ZNF778: variants seen among roughly 807,000 people sequenced by gnomAD.
ZNF778 encodes zinc finger protein 778.
Under a neutral mutation model 23.9 loss-of-function variants are expected in ZNF778, and 37 were observed. That is an observed-to-expected ratio of 1.54 (90% confidence interval 1.19 to 2.03). The LOEUF is 2.03. Ranked by LOEUF, ZNF778 falls within the 30% of genes most tolerant of loss-of-function variation. The pLI is 0.00. For missense variants in ZNF778, 1,297 were observed against 934.4 expected, an observed-to-expected ratio of 1.39 and a Z score of -5.06; for synonymous variants, 483 against 343.9, an observed-to-expected ratio of 1.40 and a Z score of -4.48.
rs564221737 is a variant in ZNF778 at position 89,232,974 on chromosome 16, T to A, written c.*4412T>A. ...ACTCAGCTCGCTCTGCGTATGCAAC[T>A]GAGCTCGCTCTGCGTATGCAACCCA... On this transcript the variant is annotated 3_prime_UTR_variant, in exon 7 of 7. Coordinates refer to ENST00000433976, the MANE Select transcript of ZNF778 (RefSeq NM_001201407.2). 3 of 1,257,964 alleles carry A rather than the reference T, an allele frequency of 2.4e-6. No individual in the cohort carries two copies. Among genetic ancestry groups the A allele is most frequent in the South Asian group, 1.3e-5 (1 of 74,880 alleles). The allele number at this position is 1,257,964 out of a possible 1,614,324, so 77.9% of individuals were successfully genotyped here.
Position 89,228,495 on chromosome 16 carries a change from A to T in ZNF778, c.2207A>T (p.Lys736Ile). The T allele has an allele frequency of 6.2e-7, 1 of 1,609,182 alleles. No individual in the cohort carries two copies. The highest frequency in any genetic ancestry group is 8.5e-7 in the Non-Finnish European group (1 of 1,178,604). ...GTTTTTGTATGTAAGGACTGTGGAA[A>T]ATCTTTTAAGAATTCCTCATGCCTT... Reference protein sequence around the residue: ...EQVFVCKDCGKSFKNSSCLNH... With the variant: ...EQVFVCKDCGISFKNSSCLNH... Residue 736 changes from lysine to isoleucine, a missense_variant, in exon 7 of 7, where the codon AAA becomes ATA. Lys to Ile is a moderately radical substitution (Grantham distance 102). Coordinates refer to ENST00000433976, the MANE Select transcript of ZNF778 (RefSeq NM_001201407.2).
At position 89,225,814 on chromosome 16, in the gene ZNF778, G is replaced by A. The variant is rs550501684; in HGVS notation, c.405+183G>A. 7.5e-4 allele frequency among the ~76,000 whole-genome samples: 114 copies of A among 152,282 alleles called. 2 individuals are homozygous for A. Among genetic ancestry groups the A allele is most frequent in the Non-Finnish European group, 1.5e-3 (103 of 68,030 alleles). The stretch of plus-strand genomic sequence containing the variant: ...GGACCTCATCCTGTCTTGAAACTTG[G>A]TGCTTCAGACACACATCAGCGCACA... On this transcript the variant is annotated intron_variant, in intron 6 of 6. Coordinates refer to ENST00000433976, the MANE Select transcript of ZNF778 (RefSeq NM_001201407.2).
At chr16:89,221,433 A>G (rs1281999875) in intron 2 of ZNF778, among the ~76,000 whole-genome samples, 1 of 152,052 alleles carries the variant, frequency 6.6e-6, no homozygotes, top group Non-Finnish European at 1.5e-5. Flanking sequence ...GCCTGTTACC[A>G]TTTCCTGATG....
At chr16:89,220,929 C>T (rs1393818948) in intron 1 of ZNF778, 68 bp from the exon 2 acceptor site, 2 of 594,514 alleles carry the variant, frequency 3.4e-6, no homozygotes, top group Non-Finnish European at 3.0e-6. Flanking sequence ...CATATATCAT[C>T]TGCAGAAACA....
intron 6 of ZNF778, among the ~76,000 whole-genome samples, chr16:89,226,436 C>G (rs543414441): frequency 6.6e-5 from 10 of 152,196 alleles, no homozygotes; most frequent in African/African-American, 2.2e-4. Context: ...AACTCCCGAC[C>G]TCAGGTGATC....
rs1465135609 is a variant in ZNF778 at position 89,234,226 on chromosome 16, A to C, written c.*5664A>C. ...GTGTGGTTTTCCTCATAGTCTCTCT[A>C]CCTAAGCACATGTCTGTGACAAGGT... On this transcript the variant is annotated 3_prime_UTR_variant, in exon 7 of 7. Transcript: ENST00000433976. The C allele has an allele frequency of 2.8e-6, 1 of 361,666 alleles. No homozygotes were observed. The highest frequency in any genetic ancestry group is 5.4e-6 in the Non-Finnish European group (1 of 183,796). 22.4% of individuals were successfully genotyped at this position (361,666 alleles called of 1,614,324 possible). A position where few individuals can be genotyped will look rare whatever the true frequency, so the allele number is the denominator to read the frequency against.
At chr16:89,221,299 A>G in intron 2 of ZNF778, 147 bp downstream of exon 2, 20 of 901,934 alleles carry the variant, frequency 2.2e-5, no homozygotes, top group Non-Finnish European at 3.0e-5. Context: ...GCTGACCTGT[A>G]AGTCAGCCCC....
At position 89,227,834 on chromosome 16, in the gene ZNF778, G is replaced by T. The variant is rs1468073126; in HGVS notation, c.1546G>T (p.Gly516Trp). 2 of 1,614,054 alleles carry T rather than the reference G, an allele frequency of 1.2e-6. No individual in the cohort carries two copies. The highest frequency in any genetic ancestry group is 2.2e-5 in the East Asian group (1 of 44,842). The change falls in exon 7 of 7, where the codon GGG becomes TGG. Residue 516 changes from glycine to tryptophan, a missense_variant. Coordinates refer to ENST00000433976, the MANE Select transcript of ZNF778 (RefSeq NM_001201407.2). ...ECKQCGKAFT[G>W]RSGLTKHMRT... is the part of the protein sequence containing the mutation. ...TAAGCAGTGTGGCAAAGCCTTCACA[G>T]GGCGCTCAGGCCTCACTAAACACAT...
Position 89,221,040 on chromosome 16 carries a change from T to C in ZNF778, c.-88T>C. ...TCCGTGGGTCAGGAGGAATGGAGAC[T>C]GTACCTTCCACATAGATTCACAAGC... is the stretch of plus-strand genomic sequence containing the variant. On this transcript the variant is annotated 5_prime_UTR_variant, in exon 2 of 7. Transcript: ENST00000433976. 6.8e-7 allele frequency: 1 copy of C among 1,466,890 alleles called. No homozygotes were observed. Among genetic ancestry groups the C allele is most frequent in the Non-Finnish European group, 9.3e-7 (1 of 1,072,354 alleles). The allele number at this position is 1,466,890 out of a possible 1,614,324, so 90.9% of individuals were successfully genotyped here.
intron 1 of ZNF778, among the ~76,000 whole-genome samples, chr16:89,220,244 A>G (rs534414872): frequency 2.0e-5 from 3 of 152,210 alleles, no homozygotes; most frequent in East Asian, 1.9e-4. Flanking sequence ...GAGAATGGAC[A>G]TGTTTTTCTG....
Position 89,234,034 on chromosome 16 carries a change from C to A in ZNF778, c.*5472C>A. On this transcript the variant is annotated 3_prime_UTR_variant, in exon 7 of 7. Transcript: ENST00000433976. Reference sequence around the variant, plus strand: ...TGAAAACCCTGTGGCCTCTGCCTCCCCTGGCTCTGACTTCTGCCTCCTGCC... The same window carrying A: ...TGAAAACCCTGTGGCCTCTGCCTCCACTGGCTCTGACTTCTGCCTCCTGCC... The A allele has an allele frequency of 3.0e-6, 3 of 990,168 alleles. No homozygotes were observed. Among genetic ancestry groups the A allele is most frequent in the Non-Finnish European group, 4.2e-6 (3 of 715,396 alleles). The allele number at this position is 990,168 out of a possible 1,614,324, so 61.3% of individuals were successfully genotyped here. A position where few individuals can be genotyped will look rare whatever the true frequency, so the allele number is the denominator to read the frequency against.
Position 89,232,367 on chromosome 16 carries a change from C to G in ZNF778, c.*3805C>G, listed in dbSNP as rs895905931. The G allele has an allele frequency of 6.9e-6, 2 of 291,324 alleles. No homozygotes were observed. Among genetic ancestry groups the G allele is most frequent in the Non-Finnish European group, 6.6e-6 (1 of 150,598 alleles). The allele number at this position is 291,324 out of a possible 1,614,324, so 18.0% of individuals were successfully genotyped here. ...TGCTATGCTTGCACAGCCTGCTGAA[C>G]CATGAGCCAAATAAGCCTCTTTCTA... On this transcript the variant is annotated 3_prime_UTR_variant, in exon 7 of 7. Coordinates refer to ENST00000433976, the MANE Select transcript of ZNF778 (RefSeq NM_001201407.2).
At chr16:89,225,515 T>C (rs1388276254) in intron 5 of ZNF778, 40 bp from the exon 6 acceptor site, 5 of 1,487,674 alleles carry the variant, frequency 3.4e-6, no homozygotes, top group African/African-American at 1.4e-5. Flanking sequence ...CAAATACCAA[T>C]GAGTTTGATC....
chr16:89,225,618 A>T lies in ZNF778; in HGVS notation c.392A>T (p.Asn131Ile). ...GATAGATCTTGGTTCAGAGCATCAAATGAGACACAGACGGTAAGATTAACA... is the reference window on the plus strand; with the variant it reads ...GATAGATCTTGGTTCAGAGCATCAATTGAGACACAGACGGTAAGATTAACA... The part of the protein sequence containing the change: ...RQDRSWFRAS[N>I]ETQTARSHNG... Residue 131 changes from asparagine (N) to isoleucine (I), a missense_variant, in exon 6 of 7, where the codon AAT becomes ATT. By Grantham distance (149) the Asn-to-Ile change is moderately radical (BLOSUM62 -3). Coordinates refer to ENST00000433976, the MANE Select transcript of ZNF778 (RefSeq NM_001201407.2). 1 of 1,612,914 alleles carries T rather than the reference A, an allele frequency of 6.2e-7. No individual in the cohort carries two copies. The highest frequency in any genetic ancestry group is 8.5e-7 in the Non-Finnish European group (1 of 1,179,230).
rs2151642997 is a variant in ZNF778, at chr16:89,234,776, T to A, written c.*6214T>A. The A allele has an allele frequency of 6.6e-6, 1 of 152,580 alleles. No homozygotes were observed. The highest frequency in any genetic ancestry group is 6.5e-5 in the Admixed American group (1 of 15,314). 9.5% of individuals were successfully genotyped at this position (152,580 alleles called of 1,614,324 possible). A position where few individuals can be genotyped will look rare whatever the true frequency, so the allele number is the denominator to read the frequency against. Reference sequence around the variant, plus strand: ...ACTAAAAATAGAAAAATTGGCTAGATGTGGTGGTGCACGCCTGTAATCCCA... The same window carrying A: ...ACTAAAAATAGAAAAATTGGCTAGAAGTGGTGGTGCACGCCTGTAATCCCA... On this transcript the variant is annotated 3_prime_UTR_variant, in exon 7 of 7. Coordinates refer to ENST00000433976, the MANE Select transcript of ZNF778 (RefSeq NM_001201407.2).
rs2031760046 is a variant in ZNF778 at position 89,229,120 on chromosome 16, A to C, written c.*558A>C. 1 of 986,044 alleles carries C rather than the reference A, an allele frequency of 1.0e-6. No homozygotes were observed. The allele number at this position is 986,044 out of a possible 1,614,324, so 61.1% of individuals were successfully genotyped here. On this transcript the variant is annotated 3_prime_UTR_variant, in exon 7 of 7. Coordinates refer to ENST00000433976, the MANE Select transcript of ZNF778 (RefSeq NM_001201407.2). ...GGAGTGAGGACTCTGTTCCCTGTAG[A>C]AATCCTCCAGTCTGGTTGCTACAGT...
At position 89,227,920 on chromosome 16, in the gene ZNF778, G is replaced by A; in HGVS notation, c.1632G>A (p.Arg544=). ...ECKDCGKAYN[R]VYLLNEHVKT... ...AGGACTGTGGGAAAGCCTACAATAG[G>A]GTTTATCTACTGAATGAGCATGTGA... is the stretch of plus-strand genomic sequence containing the variant. Residue 544 remains arginine, a synonymous_variant, in exon 7 of 7, where the codon AGG becomes AGA. Transcript: ENST00000433976. The A allele has an allele frequency of 6.2e-7, 1 of 1,613,910 alleles. No individual in the cohort carries two copies. Among genetic ancestry groups the A allele is most frequent in the Non-Finnish European group, 8.5e-7 (1 of 1,179,984 alleles).
Position 89,235,880 on chromosome 16 carries a change from CGG to C in ZNF778, c.*7322_*7323del, listed in dbSNP as rs2032219831. 1 of 151,674 alleles carries C rather than the reference CGG, an allele frequency of 6.6e-6. No individual in the cohort carries two copies. Among genetic ancestry groups the C allele is most frequent in the Non-Finnish European group, 1.5e-5 (1 of 68,014 alleles). 9.4% of individuals were successfully genotyped at this position (151,674 alleles called of 1,614,324 possible). ...AACCTAAAGAAAACCAAGCCCAGGC[CGG>C]GGGCGGTGGCTCACACCTGTAATCC... On this transcript the variant is annotated 3_prime_UTR_variant, in exon 7 of 7. Transcript: ENST00000433976.
At position 89,227,940 on chromosome 16, in the gene ZNF778, A is replaced by T; in HGVS notation, c.1652A>T (p.His551Leu). The part of the protein sequence containing the change: ...AYNRVYLLNE[H>L]VKTHTEEKPF... Reference sequence around the variant, plus strand: ...AATAGGGTTTATCTACTGAATGAGCATGTGAAAACTCACACAGAGGAGAAG... The same window carrying T: ...AATAGGGTTTATCTACTGAATGAGCTTGTGAAAACTCACACAGAGGAGAAG... The change falls in exon 7 of 7, where the codon CAT becomes CTT. Residue 551 changes from histidine to leucine, a missense_variant. By Grantham distance (99) the His-to-Leu change is moderately conservative (BLOSUM62 -3). Transcript: ENST00000433976. 6.3e-7 allele frequency: 1 copy of T among 1,590,348 alleles called. No individual in the cohort carries two copies. The highest frequency in any genetic ancestry group is 2.3e-5 in the East Asian group (1 of 43,524).
Sources: allele counts gnomAD v4.1 joint callset (sites outside exome capture counted in the v4.1 genomes callset), GRCh38; gene constraint gnomAD v4.1.1; transcripts MANE v1.5; gene names NCBI Gene and HGNC (gene_info 2026-07-23, HGNC 2026-07-21).